THSD7B: variants seen among roughly 807,000 people sequenced by gnomAD.
The protein encoded by THSD7B is thrombospondin type-1 domain-containing protein 7B.
Under a neutral mutation model 213.6 loss-of-function variants are expected in THSD7B, and 138 were observed. That is an observed-to-expected ratio of 0.65 (90% CI 0.56 to 0.74). The LOEUF (loss-of-function observed/expected upper bound fraction) is 0.74. THSD7B is among the 30% of genes least tolerant of loss of function. The probability of loss-of-function intolerance (pLI) is 0.00; values close to 1 mark genes in which losing one functional copy is unlikely to be tolerated. For synonymous variants in THSD7B, 742 were observed against 687.0 expected (o/e 1.08, Z -1.25); for missense variants, 1,931 against 1,991.5 (o/e 0.97, Z 0.58).
intron 21 of THSD7B, among the ~76,000 whole-genome samples, chr2:137,645,356 A>T (rs923746490): frequency 6.6e-6 from 1 of 152,208 alleles, no homozygotes; most frequent in Admixed American, 6.5e-5. Flanking sequence ...GCTCTAGGCA[A>T]TGGAGAGTTA....
intron 12 of THSD7B, among the ~76,000 whole-genome samples, chr2:137,333,708 A>G (rs1410474455): frequency 1.3e-5 from 2 of 152,324 alleles, no homozygotes; most frequent in East Asian, 3.9e-4. Flanking sequence ...CTGATGCCCC[A>G]GGCACTTTCT....
intron 15 of THSD7B, among the ~76,000 whole-genome samples, chr2:137,516,428 C>T (rs192046309): frequency 6.6e-6 from 1 of 152,180 alleles, no homozygotes; most frequent in African/African-American, 2.4e-5. Context: ...CACTGTTAGT[C>T]TTTCTCTCAT....
At chr2:136,870,476 A>G (rs1683414579) in intron 1 of THSD7B, among the ~76,000 whole-genome samples, 1 of 152,274 alleles carries the variant, frequency 6.6e-6, no homozygotes, top group Non-Finnish European at 1.5e-5. Context: ...ACTAGAGGAC[A>G]GGAACATAAA....
At chr2:137,494,014 A>G (rs1331055053) in intron 15 of THSD7B, among the ~76,000 whole-genome samples, 3 of 152,174 alleles carry the variant, frequency 2.0e-5, no homozygotes, top group Non-Finnish European at 4.4e-5. Flanking sequence ...CTAGTAAATA[A>G]ATTGAACAAT....
intron 7 of THSD7B, among the ~76,000 whole-genome samples, chr2:137,176,311 A>C (rs904368871): frequency 2.0e-5 from 3 of 152,208 alleles, no homozygotes; most frequent in African/African-American, 7.2e-5. Context: ...GTTTATTAAG[A>C]TGTGCATTTT....
intron 4 of THSD7B, among the ~76,000 whole-genome samples, chr2:137,103,496 T>C (rs1351981578): frequency 6.6e-6 from 1 of 152,112 alleles, no homozygotes; most frequent in East Asian, 1.9e-4. Context: ...AATAACCAGC[T>C]AGCATCATAA....
intron 12 of THSD7B, among the ~76,000 whole-genome samples, chr2:137,374,809 C>T (rs1344984195): frequency 6.6e-6 from 1 of 152,096 alleles, no homozygotes; most frequent in Non-Finnish European, 1.5e-5. Context: ...TGGAAGGGAC[C>T]CAGATCATCC....
intron 12 of THSD7B, among the ~76,000 whole-genome samples, chr2:137,335,185 T>G (rs1684610047): frequency 6.6e-6 from 1 of 152,242 alleles, no homozygotes; most frequent in South Asian, 2.1e-4. Flanking sequence ...AAATTCAAGT[T>G]AATGATTGCA....
At chr2:136,802,198 A>G (rs1057006609) in intron 1 of THSD7B, among the ~76,000 whole-genome samples, 6 of 152,126 alleles carry the variant, frequency 3.9e-5, no homozygotes, top group Non-Finnish European at 8.8e-5. Flanking sequence ...TAAACTGCCA[A>G]TTACCATCAG....
chr2:137,470,278 C>T (rs1688067953), intron 15 of THSD7B, among the ~76,000 whole-genome samples: 1 of 152,194 alleles, frequency 6.6e-6, no homozygotes, highest in South Asian at 2.1e-4. Context: ...GGTTTAATCT[C>T]TTCACAGACC....
intron 2 of THSD7B, among the ~76,000 whole-genome samples, chr2:136,993,525 C>T (rs1685825829): frequency 6.6e-6 from 1 of 152,172 alleles, no homozygotes; most frequent in South Asian, 2.1e-4. Flanking sequence ...AGAGCTTGAG[C>T]TTTGTCAAAA....
chr2:137,547,576 G>C lies in THSD7B; in HGVS notation c.3139-15645G>C, dbSNP rs139156116. ...GAAGTAATAATCTATTTTATCTCTT[G>C]GATAAAAAGATGCAGCAATTTCCTC... On this transcript the variant is annotated intron_variant, in intron 15 of 27. Transcript: ENST00000409968. Among the ~76,000 whole-genome samples the C allele has an allele frequency of 3.4e-4, 51 of 151,878 alleles. No homozygotes were observed. The Middle Eastern group carries it at 0.01, about 31-fold the overall frequency.
chr2:137,168,899 G>A (rs991596324), intron 6 of THSD7B, among the ~76,000 whole-genome samples: 9 of 152,160 alleles, frequency 5.9e-5, no homozygotes, highest in Admixed American at 2.0e-4. Flanking sequence ...GTTTACAGCC[G>A]TGTATGCATC....
chr2:137,071,350 GT>G (rs1316473941), intron 3 of THSD7B, among the ~76,000 whole-genome samples: 6 of 152,176 alleles, frequency 3.9e-5, no homozygotes, highest in African/African-American at 1.4e-4. Flanking sequence ...CTGCATAAAT[GT>G]CTTCTTTTGA....
At chr2:137,630,754 G>A (rs775098016) in intron 20 of THSD7B, among the ~76,000 whole-genome samples, 3 of 152,110 alleles carry the variant, frequency 2.0e-5, no homozygotes, top group Non-Finnish European at 2.9e-5. Context: ...TGTAGGAGCC[G>A]CTTTCTCTTT....
At chr2:136,859,668 CA>C (rs34235580) in intron 1 of THSD7B, among the ~76,000 whole-genome samples, 1 of 152,098 alleles carries the variant, frequency 6.6e-6, no homozygotes. Flanking sequence ...TCTGTGTGTC[CA>C]AAAGGCAGTT....
At chr2:136,924,884 C>T (rs1218323362) in intron 2 of THSD7B, among the ~76,000 whole-genome samples, 1 of 152,074 alleles carries the variant, frequency 6.6e-6, no homozygotes, top group Non-Finnish European at 1.5e-5. Flanking sequence ...AAGTCTTTTA[C>T]TTCCTTTGTT....
At chr2:137,493,033 A>G (rs1220387068) in intron 15 of THSD7B, among the ~76,000 whole-genome samples, 1 of 134,830 alleles carries the variant, frequency 7.4e-6, no homozygotes, top group Non-Finnish European at 1.6e-5. Context: ...AGGAGGGAGA[A>G]TTGCTTGAAC....
At chr2:136,991,928 A>G (rs1390829535) in intron 2 of THSD7B, among the ~76,000 whole-genome samples, 1 of 152,184 alleles carries the variant, frequency 6.6e-6, no homozygotes, top group Non-Finnish European at 1.5e-5. Context: ...GTCTGGCCCT[A>G]AAACGGGATT....
Sources: allele counts gnomAD v4.1 joint callset (sites outside exome capture counted in the v4.1 genomes callset), GRCh38; gene constraint gnomAD v4.1.1; transcripts MANE v1.5; gene names NCBI Gene and HGNC (gene_info 2026-07-23, HGNC 2026-07-21).